The following FRMD5 variants were observed in gnomAD, a reference collection of about 807,000 sequenced individuals.
FRMD5 encodes the protein FERM domain containing 5.
Under a neutral mutation model 69.0 loss-of-function variants are expected in FRMD5, and 20 were observed. That is an observed-to-expected ratio of 0.29 (90% CI 0.20 to 0.42). The LOEUF is 0.42. FRMD5 is among the 10% of genes least tolerant of loss of function. The pLI, the probability that FRMD5 is intolerant of heterozygous loss-of-function variation, is 1.00. For synonymous variants in FRMD5, 271 were observed against 260.1 expected (o/e 1.04, Z -0.40); for missense variants, 595 against 708.6 (o/e 0.84, Z 1.82).
chr15:43,973,524 C>T (rs2090419473), intron 1 of FRMD5, among the ~76,000 whole-genome samples: 1 of 151,520 alleles, frequency 6.6e-6, no homozygotes, highest in African/African-American at 2.4e-5. Context: ...CCCACCACCA[C>T]ACCCAGCTAG....
At chr15:43,930,669 G>A (rs934252816) in intron 1 of FRMD5, among the ~76,000 whole-genome samples, 2 of 152,204 alleles carry the variant, frequency 1.3e-5, no homozygotes. Flanking sequence ...TGAGAGCTGG[G>A]GTGATTTTCA....
chr15:43,988,075 G>C (rs1011168602), intron 1 of FRMD5, among the ~76,000 whole-genome samples: 1 of 152,086 alleles, frequency 6.6e-6, no homozygotes, highest in Non-Finnish European at 1.5e-5. Flanking sequence ...AGAATCTAAT[G>C]CTGCTGCTGA....
chr15:43,888,505 T>C (rs561121306), intron 9 of FRMD5, among the ~76,000 whole-genome samples: 31 of 152,274 alleles, frequency 2.0e-4, no homozygotes, highest in African/African-American at 6.5e-4. Flanking sequence ...GGAGAGCTCT[T>C]GGTGAGAAAG....
chr15:44,096,489 G>A (rs896446125), intron 1 of FRMD5, among the ~76,000 whole-genome samples: 2 of 148,544 alleles, frequency 1.3e-5, no homozygotes, highest in African/African-American at 2.5e-5. Flanking sequence ...TGCAACCTCC[G>A]CCTCCTGGGT....
intron 1 of FRMD5, among the ~76,000 whole-genome samples, chr15:44,183,299 GCTC>G (rs1176610425): frequency 1.3e-5 from 2 of 152,074 alleles, no homozygotes; most frequent in Non-Finnish European, 2.9e-5. Flanking sequence ...ATGCTAAAAC[GCTC>G]CTGTTATCCT....
chr15:43,983,141 G>C (rs896209803), intron 1 of FRMD5, among the ~76,000 whole-genome samples: 1 of 152,130 alleles, frequency 6.6e-6, no homozygotes, highest in African/African-American at 2.4e-5. Context: ...GTGTTGGTCA[G>C]ACTGGTCTCA....
intron 1 of FRMD5, among the ~76,000 whole-genome samples, chr15:44,128,046 G>A (rs2114422): frequency 0.82 from 124,185 of 152,112 alleles, 53,354 homozygotes; most frequent in Non-Finnish European, 0.94. Context: ...AGAGAGGAAG[G>A]TAAAATTTCG....
At chr15:43,914,723 C>CTTTTTTTG (rs2089351176) in intron 4 of FRMD5, among the ~76,000 whole-genome samples, 1 of 109,418 alleles carries the variant, frequency 9.1e-6, no homozygotes, top group African/African-American at 5.4e-5. Flanking sequence ...AGGTGACTAC[C>CTTTTTTTG]TTTTTTTTTT....
intron 1 of FRMD5, among the ~76,000 whole-genome samples, chr15:43,944,582 G>A (rs780349116): frequency 2.6e-5 from 4 of 151,302 alleles, no homozygotes; most frequent in Admixed American, 6.6e-5. Flanking sequence ...GGTGTGAGCC[G>A]CCACGACCAG....
intron 1 of FRMD5, among the ~76,000 whole-genome samples, chr15:44,141,388 G>C (rs1438271528): frequency 6.6e-6 from 1 of 152,076 alleles, no homozygotes; most frequent in Non-Finnish European, 1.5e-5. Flanking sequence ...CAATGGACAG[G>C]ACAGATAATT....
chr15:44,096,520 A>G (rs2076555929), intron 1 of FRMD5, among the ~76,000 whole-genome samples: 2 of 150,844 alleles, frequency 1.3e-5, no homozygotes, highest in South Asian at 4.2e-4. Context: ...CTCCTACCTC[A>G]GCCTCCTGGG....
In FRMD5 at chr15:43,883,859, G is replaced by A. The variant is rs533634315; in HGVS notation, c.1029-50C>T. On this transcript the variant is annotated intron_variant, in intron 12 of 13. Transcript: ENST00000417257. ...GTTAATTCAGTGCATGGACACATTT[G>A]GTAGGCACTTAAGAATTGAGTACTG... is the stretch of plus-strand genomic sequence containing the variant. The A allele has an allele frequency of 4.7e-4, 635 of 1,363,172 alleles. 10 individuals carry two copies. In the South Asian group the frequency reaches 6.8e-3, roughly 15 times the overall value. The allele number at this position is 1,363,172 out of a possible 1,614,324, so 84.4% of individuals were successfully genotyped here. A position where few individuals can be genotyped will look rare whatever the true frequency, so the allele number is the denominator to read the frequency against.
At chr15:44,117,663 G>C (rs1443562068) in intron 1 of FRMD5, among the ~76,000 whole-genome samples, 1 of 152,178 alleles carries the variant, frequency 6.6e-6, no homozygotes, top group Non-Finnish European at 1.5e-5. Flanking sequence ...GCTGGACTGT[G>C]CTTCTTTGCA....
intron 1 of FRMD5, among the ~76,000 whole-genome samples, chr15:44,120,731 T>C (rs1171432284): frequency 6.6e-6 from 1 of 151,226 alleles, no homozygotes; most frequent in Non-Finnish European, 1.5e-5. Context: ...GGTTTCACCG[T>C]GTCAGCCAGG....
In FRMD5 at chr15:43,874,372, C is replaced by A. The variant is rs115185530; in HGVS notation, c.1226G>T (p.Arg409Leu). 6.2e-7 allele frequency: 1 copy of A among 1,614,074 alleles called. No homozygotes were observed. The highest frequency in any genetic ancestry group is 8.5e-7 in the Non-Finnish European group (1 of 1,180,048). The change falls in exon 14 of 14, where the codon CGG (arginine) becomes CTG (leucine). Residue 409 changes from arginine to leucine, a missense_variant. Transcript: ENST00000417257. ...DTFLPHVRSSRTDSNERVAVI... is the reference protein window; with the variant it reads ...DTFLPHVRSSLTDSNERVAVI... ...AGCTACTCGCTCATTGCTATCTGTC[C>A]GGCTGCTTCTCACGTGAGGCAGGAA...
At chr15:44,154,867 A>C (rs2140482459) in intron 1 of FRMD5, among the ~76,000 whole-genome samples, 1 of 152,254 alleles carries the variant, frequency 6.6e-6, no homozygotes, top group African/African-American at 2.4e-5. Flanking sequence ...TAGATGTACA[A>C]CTCTGAATAC....
intron 1 of FRMD5, among the ~76,000 whole-genome samples, chr15:43,972,059 T>A (rs1241227027): frequency 4.2e-5 from 6 of 144,314 alleles, no homozygotes; most frequent in African/African-American, 1.6e-4. Flanking sequence ...TTTATATATT[T>A]ATATACTTAT....
chr15:44,140,047 G>C (rs1391311596), intron 1 of FRMD5, among the ~76,000 whole-genome samples: 6 of 151,854 alleles, frequency 4.0e-5, no homozygotes, highest in Non-Finnish European at 5.9e-5. Flanking sequence ...ATACATGTCT[G>C]TGTCTATGTA....
chr15:44,140,520 G>C (rs565848053), intron 1 of FRMD5, among the ~76,000 whole-genome samples: 2 of 151,864 alleles, frequency 1.3e-5, no homozygotes, highest in Non-Finnish European at 2.9e-5. Context: ...AAAATAAAAG[G>C]CACAAGAATT....
Sources: gnomAD v4.1 joint callset for allele counts (sites outside exome capture counted in the v4.1 genomes callset) on GRCh38, gnomAD v4.1.1 for gene constraint, MANE v1.5 for transcripts, NCBI Gene and HGNC (gene_info 2026-07-23, HGNC 2026-07-21) for gene names.